The following ZRANB3 variants were observed in gnomAD, a reference collection of about 807,000 sequenced individuals.
ZRANB3 encodes DNA annealing helicase and endonuclease ZRANB3.
Under a neutral mutation model 133.8 loss-of-function variants are expected in ZRANB3, and 125 were observed. That is an observed-to-expected ratio of 0.93 (90% CI 0.81 to 1.08). The LOEUF (loss-of-function observed/expected upper bound fraction) is 1.08, where lower values mean the gene tolerates loss of function less well. ZRANB3 is among the 50% of genes least tolerant of loss of function. The pLI, the probability that ZRANB3 is intolerant of heterozygous loss-of-function variation, is 0.00. For synonymous variants in ZRANB3, 387 were observed against 432.7 expected, an observed-to-expected ratio of 0.89 and a Z score of 1.31; for missense variants, 1,229 against 1,275.5, an observed-to-expected ratio of 0.96 and a Z score of 0.56.
chr2:135,517,404 G>A lies in ZRANB3; in HGVS notation c.-7-12908C>T, dbSNP rs547106962. On this transcript the variant is annotated intron_variant, in intron 1 of 20. Transcript: ENST00000264159. ...TGTGCTGTTTTTTCCTCATCTTCGT[G>A]GATTTATCTACCTTTGGTCTTTGAT... Among the ~76,000 whole-genome samples, 3 of 152,116 alleles carry A rather than the reference G, an allele frequency of 2.0e-5. No individual in the cohort carries two copies. In the South Asian group the frequency reaches 6.2e-4, roughly 32 times the overall value.
At chr2:135,397,669 G>A (rs1253726579) in intron 2 of ZRANB3, among the ~76,000 whole-genome samples, 5 of 152,000 alleles carry the variant, frequency 3.3e-5, no homozygotes, top group Admixed American at 1.3e-4. Context: ...TTAGCAGGAG[G>A]GCTACTAAAA....
chr2:135,348,516 T>C (rs1464756077), intron 5 of ZRANB3, among the ~76,000 whole-genome samples: 2 of 152,164 alleles, frequency 1.3e-5, no homozygotes, highest in Admixed American at 1.3e-4. Flanking sequence ...GTACTGTTAA[T>C]GTTCTATTTC....
rs555433041 is a variant in ZRANB3, at chr2:135,483,520, A to C, written c.161+20809T>G. On this transcript the variant is annotated intron_variant, in intron 2 of 20. Coordinates refer to ENST00000264159, the MANE Select transcript of ZRANB3 (RefSeq NM_032143.4). ...GATTCTTCTCTCTTTTTTTATTAGT[A>C]TTGCTAGTGGTCTATCAATTTTGTT... Among the ~76,000 whole-genome samples the C allele has an allele frequency of 6.6e-4, 100 of 151,390 alleles. 1 individual carries two copies. The highest frequency in any genetic ancestry group is 1.9e-3 in the African/African-American group (79 of 41,240).
intron 2 of ZRANB3, among the ~76,000 whole-genome samples, chr2:135,445,965 G>A (rs1690002144): frequency 6.6e-6 from 1 of 151,650 alleles, no homozygotes; most frequent in African/African-American, 2.4e-5. Context: ...AGCACTTTGG[G>A]AGGCTGAGGC....
chr2:135,451,459 G>C (rs1468922865), intron 2 of ZRANB3, among the ~76,000 whole-genome samples: 1 of 152,058 alleles, frequency 6.6e-6, no homozygotes, highest in Non-Finnish European at 1.5e-5. Flanking sequence ...CTACTTGGGA[G>C]GCTGAAGCAT....
intron 2 of ZRANB3, among the ~76,000 whole-genome samples, chr2:135,405,996 C>CA (rs1171385976): frequency 5.9e-5 from 9 of 151,894 alleles, no homozygotes; most frequent in South Asian, 2.1e-4. Flanking sequence ...GACATAGACA[C>CA]ACAAAAAACC....
intron 8 of ZRANB3, among the ~76,000 whole-genome samples, chr2:135,311,860 T>C (rs1682993076): frequency 6.6e-6 from 1 of 152,124 alleles, no homozygotes; most frequent in Non-Finnish European, 1.5e-5. Flanking sequence ...CTCAAAACCT[T>C]TATGCTAAGT....
intron 11 of ZRANB3, 71 bp from the exon 12 acceptor site, chr2:135,265,757 T>G: frequency 6.7e-7 from 1 of 1,481,632 alleles, no homozygotes; most frequent in South Asian, 1.4e-5. Flanking sequence ...AGTAACTTGA[T>G]TTTGCATTTA....
chr2:135,240,033 G>A (rs914228748), intron 12 of ZRANB3, among the ~76,000 whole-genome samples: 4 of 151,926 alleles, frequency 2.6e-5, no homozygotes, highest in African/African-American at 7.3e-5. Context: ...GACTGATGAA[G>A]TTTGGTGTTT....
At chr2:135,311,797 A>C (rs1283491870) in intron 8 of ZRANB3, among the ~76,000 whole-genome samples, 6 of 152,210 alleles carry the variant, frequency 3.9e-5, no homozygotes, top group African/African-American at 1.4e-4. Context: ...TGGAGGATGT[A>C]AGGAAAGCAA....
At chr2:135,348,574 T>A (rs969612553) in intron 5 of ZRANB3, among the ~76,000 whole-genome samples, 2 of 152,182 alleles carry the variant, frequency 1.3e-5, no homozygotes, top group Non-Finnish European at 2.9e-5. Context: ...TATTGTCATT[T>A]GAAATGTATG....
intron 8 of ZRANB3, among the ~76,000 whole-genome samples, chr2:135,298,764 A>AC (rs1682286425): frequency 6.6e-6 from 1 of 152,160 alleles, no homozygotes; most frequent in Non-Finnish European, 1.5e-5. Context: ...CCTTGGTTGT[A>AC]GTTTTGTTTA....
At chr2:135,293,627 A>G (rs1681879845) in intron 8 of ZRANB3, among the ~76,000 whole-genome samples, 1 of 151,788 alleles carries the variant, frequency 6.6e-6, no homozygotes, top group African/African-American at 2.4e-5. Context: ...AACTTCCAAC[A>G]CTATGTTGAA....
At chr2:135,315,059 C>T (rs1683187736) in intron 7 of ZRANB3, among the ~76,000 whole-genome samples, 1 of 152,104 alleles carries the variant, frequency 6.6e-6, no homozygotes, top group Non-Finnish European at 1.5e-5. Flanking sequence ...AGCCACCGTG[C>T]CTGGCCGATA....
chr2:135,385,376 T>C (rs1686919233), intron 3 of ZRANB3, among the ~76,000 whole-genome samples: 1 of 152,208 alleles, frequency 6.6e-6, no homozygotes, highest in African/African-American at 2.4e-5. Flanking sequence ...TCCATGCTCA[T>C]GGGTAGGAAG....
intron 2 of ZRANB3, among the ~76,000 whole-genome samples, chr2:135,432,710 C>T (rs1363765793): frequency 4.6e-5 from 7 of 152,282 alleles, no homozygotes; most frequent in South Asian, 2.1e-4. Flanking sequence ...CTGGCCCAAA[C>T]AGGAACGTCT....
intron 8 of ZRANB3, among the ~76,000 whole-genome samples, chr2:135,290,696 T>G (rs1233991254): frequency 1.4e-5 from 2 of 146,478 alleles, no homozygotes; most frequent in Non-Finnish European, 3.0e-5. Context: ...ATTGTGTCAT[T>G]GTTTTACAGG....
At position 135,306,591 on chromosome 2, in the gene ZRANB3, CT is replaced by C. The variant is rs879814169; in HGVS notation, c.966+6897del. ...ACAGGCATGAGCCACCGCACCCGGC[CT>C]TTTTTTTTTTTTTTAAGACAGAGTC... On this transcript the variant is annotated intron_variant, in intron 8 of 20. Coordinates refer to ENST00000264159, the MANE Select transcript of ZRANB3 (RefSeq NM_032143.4). Among the ~76,000 whole-genome samples, 592 of 111,952 alleles carry C rather than the reference CT, an allele frequency of 5.3e-3. 2 individuals are homozygous for C. Among genetic ancestry groups the C allele is most frequent in the Middle Eastern group, 8.2e-3 (1 of 122 alleles). The allele number at this position is 111,952 out of a possible 152,430, so 73.4% of individuals were successfully genotyped here. A position where few individuals can be genotyped will look rare whatever the true frequency, so the allele number is the denominator to read the frequency against.
chr2:135,372,138 C>A, intron 3 of ZRANB3, among the ~76,000 whole-genome samples: 1 of 150,138 alleles, frequency 6.7e-6, no homozygotes, highest in African/African-American at 2.5e-5. Context: ...ACTGTGCCAG[C>A]CTGGGTGACA....
Sources: allele counts gnomAD v4.1 joint callset (sites outside exome capture counted in the v4.1 genomes callset), GRCh38; gene constraint gnomAD v4.1.1; transcripts MANE v1.5; gene names NCBI Gene and HGNC (gene_info 2026-07-23, HGNC 2026-07-21).